The following STARD3NL variants were observed in gnomAD, a reference collection of about 807,000 sequenced individuals.
STARD3NL encodes STARD3 N-terminal-like protein.
In STARD3NL, 17 loss-of-function variants were observed where a neutral mutation model predicts 30.9. That is an observed-to-expected ratio of 0.55 (90% CI 0.38 to 0.82). The LOEUF is 0.82. Among genes scored for constraint, STARD3NL ranks in the 40% least tolerant of loss-of-function variants. The probability of loss-of-function intolerance (pLI) is 0.00; values close to 1 mark genes in which losing one functional copy is unlikely to be tolerated. For synonymous variants in STARD3NL, 112 were observed against 100.5 expected (o/e 1.11, Z -0.69); for missense variants, 234 against 277.6 (o/e 0.84, Z 1.12).
chr7:38,182,877 A>G (rs751898680), intron 1 of STARD3NL, among the ~76,000 whole-genome samples: 2 of 152,164 alleles, frequency 1.3e-5, no homozygotes, highest in Non-Finnish European at 1.5e-5. Context: ...AGTGTATTCA[A>G]TCTGGAGTTT....
At chr7:38,224,782 A>G (rs1562627737) in intron 7 of STARD3NL, among the ~76,000 whole-genome samples, 1 of 152,236 alleles carries the variant, frequency 6.6e-6, no homozygotes, top group Non-Finnish European at 1.5e-5. Flanking sequence ...GAGAAACCAT[A>G]AAGTGCTTCC....
chr7:38,219,609 C>A lies in STARD3NL; in HGVS notation c.598C>A (p.Pro200Thr), dbSNP rs766282996. 1.9e-6 allele frequency: 3 copies of A among 1,613,124 alleles called. No individual in the cohort carries two copies. The highest frequency in any genetic ancestry group is 1.7e-5 in the Admixed American group (1 of 59,986). The change falls in exon 7 of 9, where the codon CCT (proline) becomes ACT (threonine). Residue 200 changes from proline to threonine, a missense_variant. Transcript: ENST00000009041. ...TGCTTCAGAGAGGGCAGCACTTATA[C>A]CTGGTGGTCTTTCTGATGGTCAGTT... is the stretch of plus-strand genomic sequence containing the variant. ...QDASERAALI[P>T]GGLSDGQFYS... is the part of the protein sequence containing the mutation.
Position 38,207,536 on chromosome 7 carries a change from C to T in STARD3NL, c.32C>T (p.Ala11Val). ...CACCTGCCAGAAGACATGGAGAACG[C>T]TCTCACCGGGAGCCAGAGCTCCCAT... Reference protein sequence around the residue: MNHLPEDMENALTGSQSSHAS... With the variant: MNHLPEDMENVLTGSQSSHAS... The change falls in exon 2 of 9, where the codon GCT becomes GTT. Residue 11 changes from alanine (A) to valine (V), a missense_variant. By Grantham distance (64) the Ala-to-Val change is moderately conservative. Coordinates refer to ENST00000009041, the MANE Select transcript of STARD3NL (RefSeq NM_032016.4). 1 of 1,613,998 alleles carries T rather than the reference C, an allele frequency of 6.2e-7. No homozygotes were observed. The highest frequency in any genetic ancestry group is 1.1e-5 in the South Asian group (1 of 91,086).
At chr7:38,183,308 T>C (rs918024241) in intron 1 of STARD3NL, among the ~76,000 whole-genome samples, 2 of 152,198 alleles carry the variant, frequency 1.3e-5, no homozygotes, top group African/African-American at 4.8e-5. Flanking sequence ...GTTGATATTT[T>C]AGGCTGGGTA....
intron 1 of STARD3NL, among the ~76,000 whole-genome samples, chr7:38,190,624 T>C (rs546372745): frequency 1.3e-5 from 2 of 152,342 alleles, no homozygotes; most frequent in African/African-American, 4.8e-5. Context: ...ATAAGGGCAC[T>C]CTCCTGCATA....
At chr7:38,179,710 A>G (rs999221255) in intron 1 of STARD3NL, among the ~76,000 whole-genome samples, 16 of 152,244 alleles carry the variant, frequency 1.1e-4, no homozygotes, top group African/African-American at 3.9e-4. Flanking sequence ...AAGTTTAGAT[A>G]GGAATAAATG....
chr7:38,190,173 T>C (rs1431693758), intron 1 of STARD3NL, among the ~76,000 whole-genome samples: 1 of 152,170 alleles, frequency 6.6e-6, no homozygotes, highest in African/African-American at 2.4e-5. Flanking sequence ...GCATATGCAG[T>C]GTGGCTATTC....
At chr7:38,218,511 G>T (rs928898802) in intron 6 of STARD3NL, among the ~76,000 whole-genome samples, 70 of 152,296 alleles carry the variant, frequency 4.6e-4, no homozygotes, top group Non-Finnish European at 3.4e-4. Context: ...ACTGAACTTT[G>T]TTGAAAACAT....
At chr7:38,216,274 A>C (rs1238294513) in intron 4 of STARD3NL, 2 of 152,246 alleles carry the variant, frequency 1.3e-5, no homozygotes, top group Non-Finnish European at 2.9e-5. Context: ...CTGAAGAATA[A>C]GTCTAATTTA....
intron 2 of STARD3NL, among the ~76,000 whole-genome samples, chr7:38,210,691 C>G (rs1785748522): frequency 6.6e-6 from 1 of 152,146 alleles, no homozygotes; most frequent in African/African-American, 2.4e-5. Context: ...TCTGCAGACT[C>G]TCTCCTACAC....
chr7:38,224,293 A>G (rs977716635), intron 7 of STARD3NL, among the ~76,000 whole-genome samples: 1 of 152,140 alleles, frequency 6.6e-6, no homozygotes, highest in African/African-American at 2.4e-5. Flanking sequence ...GTGGATGTTT[A>G]TTTTTGTAAT....
intron 1 of STARD3NL, among the ~76,000 whole-genome samples, chr7:38,178,886 AG>A (rs1211975131): frequency 6.6e-6 from 1 of 151,968 alleles, no homozygotes; most frequent in Non-Finnish European, 1.5e-5. Flanking sequence ...AAAGAAAGAA[AG>A]CACGAATCAT....
intron 1 of STARD3NL, among the ~76,000 whole-genome samples, chr7:38,203,027 T>TA (rs34792070): frequency 0.43 from 64,545 of 151,856 alleles, 14,069 homozygotes; most frequent in East Asian, 0.5. Context: ...AGTGCTGCAA[T>TA]AAACATACAT....
At chr7:38,214,781 T>C (rs1786005338) in intron 3 of STARD3NL, among the ~76,000 whole-genome samples, 1 of 152,232 alleles carries the variant, frequency 6.6e-6, no homozygotes, top group African/African-American at 2.4e-5. Flanking sequence ...AATAAGATGA[T>C]GAAAATGACA....
intron 1 of STARD3NL, 72 bp downstream of exon 1, chr7:38,178,492 G>C (rs534308504): frequency 1.2e-4 from 19 of 152,604 alleles, no homozygotes; most frequent in Admixed American, 8.5e-4. Context: ...TGACTTACAT[G>C]GGGGCGTACA....
At chr7:38,210,547 T>C (rs1157124993) in intron 2 of STARD3NL, among the ~76,000 whole-genome samples, 1 of 152,220 alleles carries the variant, frequency 6.6e-6, no homozygotes, top group Non-Finnish European at 1.5e-5. Flanking sequence ...TTAGGGCTGC[T>C]GATCTCTTTT....
chr7:38,203,752 C>T (rs1326636591), intron 1 of STARD3NL, among the ~76,000 whole-genome samples: 5 of 152,100 alleles, frequency 3.3e-5, no homozygotes, highest in Non-Finnish European at 7.3e-5. Flanking sequence ...TGCAGAGACA[C>T]ACATAGGCTC....
Position 38,207,620 on chromosome 7 carries a change from C to G in STARD3NL, c.116C>G (p.Ser39Cys). The change falls in exon 2 of 9, where the codon TCC becomes TGC. Residue 39 changes from serine to cysteine, a missense_variant. Transcript: ENST00000009041. ...ACACAACTCATGGCCAGGATTGAGT[C>G]CTATGAAGGAAGGGAAAAGAAAGGC... ...NPTQLMARIESYEGREKKGIS... is the reference protein window; with the variant it reads ...NPTQLMARIECYEGREKKGIS... The G allele has an allele frequency of 6.2e-7, 1 of 1,614,020 alleles. No homozygotes were observed. The highest frequency in any genetic ancestry group is 8.5e-7 in the Non-Finnish European group (1 of 1,179,952).
intron 1 of STARD3NL, among the ~76,000 whole-genome samples, chr7:38,184,935 T>A (rs1324083781): frequency 6.6e-6 from 1 of 151,694 alleles, no homozygotes; most frequent in Non-Finnish European, 1.5e-5. Flanking sequence ...GCTGCTAGTT[T>A]CAAACTTTTA....
Sources: allele counts gnomAD v4.1 joint callset (sites outside exome capture counted in the v4.1 genomes callset), GRCh38; gene constraint gnomAD v4.1.1; transcripts MANE v1.5; gene names NCBI Gene and HGNC (gene_info 2026-07-23, HGNC 2026-07-21).